Variants in IPMK observed in about 807,000 individuals in gnomAD.
IPMK encodes inositol 1,3,4,6-tetrakisphosphate 5-kinase.
In IPMK, 17 loss-of-function variants were observed where a neutral mutation model predicts 45.8. The ratio of observed to expected loss-of-function variants is 0.37; its 90% CI spans 0.25 to 0.56. The LOEUF (loss-of-function observed/expected upper bound fraction) is 0.56, where lower values mean the gene tolerates loss of function less well. IPMK is among the 20% of genes least tolerant of loss of function. IPMK has a pLI of 0.79. For synonymous variants in IPMK, 180 were observed against 184.3 expected, an observed-to-expected ratio of 0.98 and a Z score of 0.19; for missense variants, 399 against 498.0, an observed-to-expected ratio of 0.80 and a Z score of 1.89.
At chr10:58,253,891 G>A (rs896416616) in intron 1 of IPMK, among the ~76,000 whole-genome samples, 3 of 152,054 alleles carry the variant, frequency 2.0e-5, no homozygotes, top group Non-Finnish European at 2.9e-5. Context: ...TTCTGCTGAG[G>A]AATCCACAGA....
Position 58,192,666 on chromosome 10 carries a change from A to AAAAATGCT in IPMK, c.*3402_*3409dup, listed in dbSNP as rs1238756005. ...GTTCACAGTTGTAATACTGGGGGCT[A>AAAAATGCT]AAAATGCTTAATACATGGCATAAAT... On this transcript the variant is annotated 3_prime_UTR_variant, in exon 6 of 6. Transcript: ENST00000373935. 9 of 152,140 alleles carry AAAAATGCT rather than the reference A, an allele frequency of 5.9e-5. No individual in the cohort carries two copies. Among genetic ancestry groups the AAAAATGCT allele is most frequent in the Admixed American group, 5.2e-4 (8 of 15,260 alleles). 9.4% of individuals were successfully genotyped at this position (152,140 alleles called of 1,614,324 possible). A position where few individuals can be genotyped will look rare whatever the true frequency, so the allele number is the denominator to read the frequency against.
intron 4 of IPMK, among the ~76,000 whole-genome samples, chr10:58,208,898 G>A (rs1257001164): frequency 6.6e-6 from 1 of 152,228 alleles, no homozygotes; most frequent in African/African-American, 2.4e-5. Flanking sequence ...GCCTTGATGA[G>A]GGTAGCTGGG....
chr10:58,254,435 T>A (rs1289620036), intron 1 of IPMK, among the ~76,000 whole-genome samples: 4 of 152,164 alleles, frequency 2.6e-5, no homozygotes, highest in Non-Finnish European at 5.9e-5. Context: ...GTTTCTGGAG[T>A]GTTTTCCAAA....
In IPMK at chr10:58,227,139, C is replaced by T. The variant is rs562837249; in HGVS notation, c.277G>A (p.Val93Ile). The T allele has an allele frequency of 5.0e-6, 8 of 1,606,828 alleles. No homozygotes were observed. The African/African-American group carries it at 1.1e-4, about 21-fold the overall frequency. ...GPRELEFYNM[V>I]YAADCFDGVL... Reference sequence around the variant, plus strand: ...CCATCAAAACAGTCAGCAGCATAAACCTGAAACAGAGAAATATAACATTGC... The same window carrying T: ...CCATCAAAACAGTCAGCAGCATAAATCTGAAACAGAGAAATATAACATTGC... The change falls in exon 3 of 6, where the codon GTT (valine) becomes ATT (isoleucine). Residue 93 changes from valine (V) to isoleucine (I), a missense_variant and splice_region_variant. By Grantham distance (29) the Val-to-Ile change is conservative. Around this residue, in one of 2 missense-constraint regions of IPMK, gnomAD observed 288 missense variants for 398.0 expected, o/e 0.72. Transcript: ENST00000373935.
In IPMK at chr10:58,242,040, CATG is replaced by C. The variant is rs1365944250; in HGVS notation, c.191-4229_191-4227del. 7.2e-5 allele frequency among the ~76,000 whole-genome samples: 11 copies of C among 152,026 alleles called. No individual in the cohort carries two copies. In the East Asian group the frequency reaches 2.1e-3, roughly 30 times the overall value. ...GGCTTCAGTTTGCTACAGTCCTACA[CATG>C]ATGCCCACCAGAATTTAATAAAAAT... On this transcript the variant is annotated intron_variant, in intron 1 of 5. Transcript: ENST00000373935.
Position 58,199,330 on chromosome 10 carries a change from A to C in IPMK, c.547-9T>G. 1.9e-6 allele frequency: 3 copies of C among 1,583,868 alleles called. No individual in the cohort carries two copies. Among genetic ancestry groups the C allele is most frequent in the Non-Finnish European group, 2.6e-6 (3 of 1,161,736 alleles). ...GAATGAACATGATAAACCTGTCAAA[A>C]AAAGCAGTGAATATTAAAAAGCTAA... On this transcript the variant is annotated splice_polypyrimidine_tract_variant and intron_variant, in intron 4 of 5. Coordinates refer to ENST00000373935, the MANE Select transcript of IPMK (RefSeq NM_152230.5).
At chr10:58,228,735 G>A (rs368228567) in intron 2 of IPMK, among the ~76,000 whole-genome samples, 5 of 152,118 alleles carry the variant, frequency 3.3e-5, no homozygotes, top group South Asian at 2.1e-4. Context: ...AGGTTTCACC[G>A]TGTTAGCCAG....
chr10:58,241,532 A>C (rs1352572142), intron 1 of IPMK, among the ~76,000 whole-genome samples: 3 of 152,182 alleles, frequency 2.0e-5, no homozygotes, highest in Admixed American at 6.5e-5. Flanking sequence ...ACAGTATTTT[A>C]GTCAGCCAGG....
At chr10:58,229,229 G>A (rs1228142058) in intron 2 of IPMK, among the ~76,000 whole-genome samples, 2 of 151,944 alleles carry the variant, frequency 1.3e-5, no homozygotes, top group South Asian at 2.1e-4. Flanking sequence ...TAAATACTAG[G>A]AAAAGCTTTG....
chr10:58,195,997 A>C lies in IPMK; in HGVS notation c.*79T>G. 1 of 1,333,924 alleles carries C rather than the reference A, an allele frequency of 7.5e-7. No individual in the cohort carries two copies. Among genetic ancestry groups the C allele is most frequent in the Non-Finnish European group, 1.0e-6 (1 of 974,414 alleles). 82.6% of individuals were successfully genotyped at this position (1,333,924 alleles called of 1,614,324 possible). The stretch of plus-strand genomic sequence containing the variant: ...TCGACTCATAATACAAATTTTTTAC[A>C]TAGCATTAAAGGTGCAGATATTGAC... On this transcript the variant is annotated 3_prime_UTR_variant, in exon 6 of 6. Transcript: ENST00000373935.
chr10:58,237,577 C>A, intron 2 of IPMK, 152 bp downstream of exon 2: 1 of 606,608 alleles, frequency 1.6e-6, no homozygotes, highest in South Asian at 2.1e-5. Flanking sequence ...GCATCACATA[C>A]AGTAAAGATA....
rs1047184774 is a variant in IPMK, at chr10:58,192,350, T to C, written c.*3726A>G. On this transcript the variant is annotated 3_prime_UTR_variant, in exon 6 of 6. Coordinates refer to ENST00000373935, the MANE Select transcript of IPMK (RefSeq NM_152230.5). The stretch of plus-strand genomic sequence containing the variant: ...GGAATGTTTTTCACAGTAATGTTTA[T>C]GTTAAACATTACTTTAAATGGACAG... 6.6e-6 allele frequency: 1 copy of C among 152,062 alleles called. No homozygotes were observed. Among genetic ancestry groups the C allele is most frequent in the Non-Finnish European group, 1.5e-5 (1 of 67,932 alleles). 9.4% of individuals were successfully genotyped at this position (152,062 alleles called of 1,614,324 possible).
intron 1 of IPMK, among the ~76,000 whole-genome samples, chr10:58,252,170 G>A (rs1445829530): frequency 2.6e-5 from 4 of 152,196 alleles, no homozygotes; most frequent in Admixed American, 2.0e-4. Context: ...TGGTTACCAC[G>A]AGGCTTATAA....
At position 58,194,436 on chromosome 10, in the gene IPMK, A is replaced by T. The variant is rs1164351487; in HGVS notation, c.*1640T>A. On this transcript the variant is annotated 3_prime_UTR_variant, in exon 6 of 6. Transcript: ENST00000373935. Reference sequence around the variant, plus strand: ...TGATAAATACACCAATTCTAAATAAAAAATTAAAATCAAATTTTGCTATTA... The same window carrying T: ...TGATAAATACACCAATTCTAAATAATAAATTAAAATCAAATTTTGCTATTA... 2 of 151,918 alleles carry T rather than the reference A, an allele frequency of 1.3e-5. No individual in the cohort carries two copies. Among genetic ancestry groups the T allele is most frequent in the East Asian group, 1.9e-4 (1 of 5,192 alleles). 9.4% of individuals were successfully genotyped at this position (151,918 alleles called of 1,614,324 possible). A position where few individuals can be genotyped will look rare whatever the true frequency, so the allele number is the denominator to read the frequency against.
In IPMK at chr10:58,193,629, T is replaced by C. The variant is rs1314809829; in HGVS notation, c.*2447A>G. The C allele has an allele frequency of 6.6e-6, 1 of 151,842 alleles. No individual in the cohort carries two copies. Among genetic ancestry groups the C allele is most frequent in the African/African-American group, 2.4e-5 (1 of 41,442 alleles). The allele number at this position is 151,842 out of a possible 1,614,324, so 9.4% of individuals were successfully genotyped here. On this transcript the variant is annotated 3_prime_UTR_variant, in exon 6 of 6. Coordinates refer to ENST00000373935, the MANE Select transcript of IPMK (RefSeq NM_152230.5). Reference sequence around the variant, plus strand: ...ATCCACAATTTCTTAAAGTCCTTTTTAAATGAGTGTATTCCATAAGAAATA... The same window carrying C: ...ATCCACAATTTCTTAAAGTCCTTTTCAAATGAGTGTATTCCATAAGAAATA...
At chr10:58,262,777 A>G (rs186331891) in intron 1 of IPMK, among the ~76,000 whole-genome samples, 6 of 152,376 alleles carry the variant, frequency 3.9e-5, no homozygotes, top group Admixed American at 1.3e-4. Flanking sequence ...TTAAAGTCCA[A>G]TAAATAAGTT....
intron 2 of IPMK, among the ~76,000 whole-genome samples, chr10:58,237,396 T>C (rs1588964894): frequency 6.6e-6 from 1 of 152,232 alleles, no homozygotes; most frequent in East Asian, 1.9e-4. Flanking sequence ...GCTCTAACCT[T>C]ACCTTTGTAA....
At chr10:58,220,369 T>C (rs551758780) in intron 3 of IPMK, among the ~76,000 whole-genome samples, 1 of 152,282 alleles carries the variant, frequency 6.6e-6, no homozygotes, top group East Asian at 1.9e-4. Flanking sequence ...ATAAGAACTT[T>C]TCCTTGTTGC....
At chr10:58,231,268 A>G (rs1406957532) in intron 2 of IPMK, among the ~76,000 whole-genome samples, 1 of 152,222 alleles carries the variant, frequency 6.6e-6, no homozygotes. Context: ...GATATTATCC[A>G]GGAGAACTTC....
Sources: allele counts gnomAD v4.1 joint callset (sites outside exome capture counted in the v4.1 genomes callset), GRCh38; gene constraint gnomAD v4.1.1; regional missense constraint gnomAD v4.1.1; transcripts MANE v1.5; gene names NCBI Gene and HGNC (gene_info 2026-07-23, HGNC 2026-07-21).